Variants in PCDHGA3 observed in about 807,000 individuals in gnomAD.
The protein encoded by PCDHGA3 is protocadherin gamma subfamily A, 3, also known as protocadherin gamma-A3.
PCDHGA3 carries 40 observed loss-of-function variants against 58.5 expected under a neutral mutation model. That is an observed-to-expected ratio of 0.68 (90% CI 0.53 to 0.89). The LOEUF is 0.89. Ranked by LOEUF, PCDHGA3 falls within the 40% of genes least tolerant of loss-of-function variation. The pLI, the probability that PCDHGA3 is intolerant of heterozygous loss-of-function variation, is 0.00. For synonymous variants in PCDHGA3, 530 were observed against 525.7 expected (o/e 1.01, Z -0.11); for missense variants, 1,223 against 1,195.9 (o/e 1.02, Z -0.33).
chr5:141,355,556 T>A, intron 1 of PCDHGA3: 1 of 1,613,912 alleles, frequency 6.2e-7, no homozygotes, highest in Non-Finnish European at 8.5e-7. Flanking sequence ...ATTTTGCGGG[T>A]AGAGGTGGAA....
chr5:141,351,972 T>C, intron 1 of PCDHGA3: 1 of 1,612,468 alleles, frequency 6.2e-7, no homozygotes, highest in Non-Finnish European at 8.5e-7. Flanking sequence ...TCCGCCCTCT[T>C]CGATATGGTG....
At chr5:141,364,314 T>C in intron 1 of PCDHGA3, 1 of 1,523,586 alleles carries the variant, frequency 6.6e-7, no homozygotes, top group Non-Finnish European at 8.8e-7. Context: ...AAGAGAAAAT[T>C]GGGCAGAGAG....
intron 1 of PCDHGA3, chr5:141,413,526 G>T: frequency 6.2e-7 from 1 of 1,613,936 alleles, no homozygotes; most frequent in Non-Finnish European, 8.5e-7. Context: ...TGGAAGACAG[G>T]GTGAAACTTT....
intron 1 of PCDHGA3, among the ~76,000 whole-genome samples, chr5:141,455,549 C>G (rs911113181): frequency 1.3e-5 from 2 of 152,042 alleles, no homozygotes; most frequent in Non-Finnish European, 2.9e-5. Flanking sequence ...TCACGTAGCC[C>G]GAGAAAAAGC....
intron 1 of PCDHGA3, chr5:141,366,917 A>G: frequency 9.1e-7 from 1 of 1,095,104 alleles, no homozygotes; most frequent in South Asian, 1.7e-5. Context: ...ATTTGTTTTC[A>G]AATTCTGTTT....
At chr5:141,503,517 T>C (rs6878542) in intron 2 of PCDHGA3, among the ~76,000 whole-genome samples, 77,350 of 150,132 alleles carry the variant, frequency 0.52, 20,504 homozygotes, top group African/African-American at 0.63. Flanking sequence ...GAGAATCACT[T>C]GAACCTGGGA....
At position 141,486,481 on chromosome 5, in the gene PCDHGA3, T is replaced by C. The variant is rs1562112794; in HGVS notation, c.2425-8326T>C. 1 of 1,614,036 alleles carries C rather than the reference T, an allele frequency of 6.2e-7. No individual in the cohort carries two copies. The highest frequency in any genetic ancestry group is 8.5e-7 in the Non-Finnish European group (1 of 1,179,976). Reference sequence around the variant, plus strand: ...CTGATGCTGGGAACCCTCCTCTCAGTACCCACAGAACTATTTTCCTCAATA... The same window carrying C: ...CTGATGCTGGGAACCCTCCTCTCAGCACCCACAGAACTATTTTCCTCAATA... On this transcript the variant is annotated intron_variant, in intron 1 of 3. Coordinates refer to ENST00000253812, the MANE Select transcript of PCDHGA3 (RefSeq NM_018916.4). This position sits in a 1 kb window ranked among gnomAD's most constrained non-coding sequence, Gnocchi z 5.0.
intron 1 of PCDHGA3, chr5:141,351,355 A>C (rs1758699378): frequency 1.2e-6 from 2 of 1,613,176 alleles, no homozygotes; most frequent in Admixed American, 3.3e-5. Context: ...TAGCCCTCAT[A>C]AAAGTGCGAG....
At position 141,487,855 on chromosome 5, in the gene PCDHGA3, A is replaced by T; in HGVS notation, c.2425-6952A>T. 1 of 974,210 alleles carries T rather than the reference A, an allele frequency of 1.0e-6. No homozygotes were observed. 60.3% of individuals were successfully genotyped at this position (974,210 alleles called of 1,614,324 possible). A position where few individuals can be genotyped will look rare whatever the true frequency, so the allele number is the denominator to read the frequency against. On this transcript the variant is annotated intron_variant, in intron 1 of 3. Coordinates refer to ENST00000253812, the MANE Select transcript of PCDHGA3 (RefSeq NM_018916.4). This position sits in a 1 kb window ranked among gnomAD's most constrained non-coding sequence, Gnocchi z 5.0. Reference sequence around the variant, plus strand: ...TATATCTGAGTAAGAAATGAAAGTAATTGGTGATCAAGAGCCAGGCTGTTG... The same window carrying T: ...TATATCTGAGTAAGAAATGAAAGTATTTGGTGATCAAGAGCCAGGCTGTTG...
Position 141,493,685 on chromosome 5 carries a change from G to A in PCDHGA3, c.2425-1122G>A, listed in dbSNP as rs139973755. ...CCATGGCAGCCCCAGAATGGTGCTG[G>A]TGACTCCCGATACACCTGGAATGCT... On this transcript the variant is annotated intron_variant, in intron 1 of 3. Transcript: ENST00000253812. The surrounding 1 kb of genome is among the most constrained non-coding windows in gnomAD (Gnocchi z 4.3). 1.1e-3 allele frequency among the ~76,000 whole-genome samples: 165 copies of A among 152,282 alleles called. 3 individuals carry two copies. The highest frequency in any genetic ancestry group is 8.2e-3 in the Admixed American group (125 of 15,298).
At chr5:141,408,636 C>A in intron 1 of PCDHGA3, 1 of 1,614,024 alleles carries the variant, frequency 6.2e-7, no homozygotes, top group Non-Finnish European at 8.5e-7. Flanking sequence ...ATTTTCGAAT[C>A]TGCATCCGCT....
intron 1 of PCDHGA3, chr5:141,372,478 C>A: frequency 6.2e-7 from 1 of 1,614,070 alleles, no homozygotes. Context: ...CTAGTAGTGG[C>A]GTTGGCCTTG....
Position 141,409,613 on chromosome 5 carries a change from A to T in PCDHGA3, c.2424+63156A>T, listed in dbSNP as rs370495173. 6.6e-5 allele frequency: 107 copies of T among 1,613,738 alleles called. 1 individual carries two copies. The South Asian group carries it at 1.1e-3, about 17-fold the overall frequency. ...CGAGAACAACCCGCCAGGAGCCTCC[A>T]TTGCGCAAGTGAGCGCCTCTGACCC... On this transcript the variant is annotated intron_variant, in intron 1 of 3. Transcript: ENST00000253812.
chr5:141,365,849 A>G (rs773114118), intron 1 of PCDHGA3: 49 of 1,613,994 alleles, frequency 3.0e-5, no homozygotes, highest in Middle Eastern at 3.3e-4. Flanking sequence ...CTATGTATCC[A>G]TTAACTCTGA....
chr5:141,404,435 A>G, intron 1 of PCDHGA3: 2 of 1,613,032 alleles, frequency 1.2e-6, no homozygotes, highest in South Asian at 2.2e-5. Flanking sequence ...GGCAGAGGAT[A>G]CCATCCAAGG....
chr5:141,421,787 C>T (rs753196648), intron 1 of PCDHGA3: 8 of 1,613,694 alleles, frequency 5.0e-6, no homozygotes, highest in East Asian at 2.2e-5. Context: ...CGGGGCAGAA[C>T]GGATGGGGCC....
chr5:141,351,075 C>T (rs547501388), intron 1 of PCDHGA3: 41 of 1,614,032 alleles, frequency 2.5e-5, no homozygotes, highest in Non-Finnish European at 3.5e-5. Flanking sequence ...GGCATTAATG[C>T]AGAGATCACC....
At chr5:141,467,932 TA>T (rs1391978978) in intron 1 of PCDHGA3, among the ~76,000 whole-genome samples, 4 of 152,186 alleles carry the variant, frequency 2.6e-5, no homozygotes, top group Non-Finnish European at 4.4e-5. Flanking sequence ...ATGCTAGGAT[TA>T]CAAGCATGAG....
At position 141,384,817 on chromosome 5, in the gene PCDHGA3, C is replaced by A. The variant is rs373370095; in HGVS notation, c.2424+38360C>A. 2.5e-6 allele frequency: 4 copies of A among 1,613,416 alleles called. No homozygotes were observed. The South Asian group carries it at 4.4e-5, about 18-fold the overall frequency. On this transcript the variant is annotated intron_variant, in intron 1 of 3. Coordinates refer to ENST00000253812, the MANE Select transcript of PCDHGA3 (RefSeq NM_018916.4). ...CCTGCTGGACAGAGATGCCCTCAAG[C>A]AGAGCCTCGTGGTGGCCGTCCAGGA...
Sources: allele counts gnomAD v4.1 joint callset (sites outside exome capture counted in the v4.1 genomes callset), GRCh38; gene constraint gnomAD v4.1.1; non-coding constraint Gnocchi (gnomAD v3.1); transcripts MANE v1.5; gene names NCBI Gene and HGNC (gene_info 2026-07-23, HGNC 2026-07-21).